ZNF385D: variants seen among roughly 807,000 people sequenced by gnomAD.
The protein encoded by ZNF385D is zinc finger protein 659.
A neutral mutation model predicts 35.8 loss-of-function variants in ZNF385D; 15 were observed. The ratio of observed to expected loss-of-function variants is 0.42; its 90% CI spans 0.28 to 0.64. The LOEUF (loss-of-function observed/expected upper bound fraction) is 0.64. ZNF385D is among the 30% of genes least tolerant of loss of function. ZNF385D has a pLI of 0.23. For missense variants in ZNF385D, 474 were observed against 494.6 expected, an observed-to-expected ratio of 0.96 and a Z score of 0.39; for synonymous variants, 212 against 186.8, an observed-to-expected ratio of 1.13 and a Z score of -1.10.
chr3:21,936,999 G>A (rs370639075), intron 3 of ZNF385D, among the ~76,000 whole-genome samples: 5 of 152,076 alleles, frequency 3.3e-5, no homozygotes, highest in East Asian at 1.9e-4. Flanking sequence ...GATATAAAAG[G>A]TTGTAATGTA....
At chr3:22,282,604 A>G (rs1701817490) in intron 2 of ZNF385D, among the ~76,000 whole-genome samples, 2 of 152,188 alleles carry the variant, frequency 1.3e-5, no homozygotes, top group Non-Finnish European at 2.9e-5. Context: ...AGTATTTGCT[A>G]TAATTTTGAT....
intron 2 of ZNF385D, among the ~76,000 whole-genome samples, chr3:22,213,204 G>A (rs1033750950): frequency 1.3e-5 from 2 of 152,016 alleles, no homozygotes; most frequent in Non-Finnish European, 2.9e-5. Context: ...AAATATAAGG[G>A]GGATTTGACA....
At chr3:21,937,190 C>A (rs1313578167) in intron 3 of ZNF385D, among the ~76,000 whole-genome samples, 1 of 151,802 alleles carries the variant, frequency 6.6e-6, no homozygotes, top group Non-Finnish European at 1.5e-5. Flanking sequence ...ATGATATACA[C>A]TATTTTTTTT....
At chr3:22,207,085 C>T (rs954652735) in intron 2 of ZNF385D, among the ~76,000 whole-genome samples, 1 of 151,812 alleles carries the variant, frequency 6.6e-6, no homozygotes, top group African/African-American at 2.4e-5. Context: ...ACAACCAATA[C>T]TTCTGAAATT....
At chr3:21,782,870 A>G (rs2071546590) in intron 3 of ZNF385D, among the ~76,000 whole-genome samples, 1 of 152,120 alleles carries the variant, frequency 6.6e-6, no homozygotes. Flanking sequence ...GGAAGAACAG[A>G]AATGTAACTT....
chr3:21,961,145 T>A (rs1323161211), intron 3 of ZNF385D, among the ~76,000 whole-genome samples: 1 of 152,096 alleles, frequency 6.6e-6, no homozygotes, highest in Admixed American at 6.6e-5. Flanking sequence ...TTATACACTG[T>A]ATACATGTAT....
intron 2 of ZNF385D, among the ~76,000 whole-genome samples, chr3:21,610,000 A>G (rs1164580356): frequency 6.6e-6 from 1 of 152,144 alleles, no homozygotes; most frequent in Non-Finnish European, 1.5e-5. Context: ...AACTAAGCCA[A>G]CTTGTATTTC....
At chr3:21,637,961 T>G (rs2065495113) in intron 2 of ZNF385D, among the ~76,000 whole-genome samples, 2 of 152,096 alleles carry the variant, frequency 1.3e-5, no homozygotes, top group Admixed American at 6.6e-5. Flanking sequence ...GCCCTATACT[T>G]TCCTATCTTA....
chr3:21,658,579 C>G (rs2066142289), intron 2 of ZNF385D, among the ~76,000 whole-genome samples: 1 of 145,172 alleles, frequency 6.9e-6, no homozygotes, highest in African/African-American at 2.5e-5. Context: ...TATCTATTAC[C>G]TATCTACCTA....
chr3:22,196,992 T>C (rs1696464275), intron 2 of ZNF385D, among the ~76,000 whole-genome samples: 1 of 152,092 alleles, frequency 6.6e-6, no homozygotes, highest in Non-Finnish European at 1.5e-5. Context: ...CAATCTATTT[T>C]GGCAGGTATT....
intron 1 of ZNF385D, among the ~76,000 whole-genome samples, chr3:21,714,586 CCT>C (rs1421410687): frequency 6.6e-6 from 1 of 152,200 alleles, no homozygotes; most frequent in Non-Finnish European, 1.5e-5. Flanking sequence ...CTCTTCTACT[CCT>C]CTCTTTCTCG....
rs188371764 is a variant in ZNF385D at position 21,707,533 on chromosome 3, G to A, written c.23-42505C>T. On this transcript the variant is annotated intron_variant, in intron 1 of 7. Coordinates refer to ENST00000281523, the MANE Select transcript of ZNF385D (RefSeq NM_024697.3). ...GTGCTTCTTTGTTAGAATCTTGAAA[G>A]GGAACGAAAGACCTCTACATATAGA... 1.2e-3 allele frequency among the ~76,000 whole-genome samples: 182 copies of A among 152,256 alleles called. 2 individuals are homozygous for A. Among genetic ancestry groups the A allele is most frequent in the Admixed American group, 2.5e-3 (38 of 15,290 alleles).
At chr3:22,050,178 C>CA (rs1262547694) in intron 3 of ZNF385D, among the ~76,000 whole-genome samples, 1 of 145,642 alleles carries the variant, frequency 6.9e-6, no homozygotes, top group Admixed American at 6.9e-5. Context: ...CCAGCCTGGG[C>CA]AAAAAAGGAA....
At chr3:22,137,075 G>A (rs1356528966) in intron 3 of ZNF385D, among the ~76,000 whole-genome samples, 6 of 152,134 alleles carry the variant, frequency 3.9e-5, no homozygotes, top group African/African-American at 7.2e-5. Flanking sequence ...TGCCAACTAC[G>A]GACATTAGTT....
intron 2 of ZNF385D, among the ~76,000 whole-genome samples, chr3:21,614,963 G>A (rs1204990841): frequency 1.3e-5 from 2 of 152,182 alleles, no homozygotes; most frequent in Non-Finnish European, 2.9e-5. Context: ...TCACAGGAAA[G>A]CTAGGAAACA....
At chr3:22,063,038 T>C (rs1000392140) in intron 3 of ZNF385D, among the ~76,000 whole-genome samples, 11 of 152,310 alleles carry the variant, frequency 7.2e-5, no homozygotes, top group African/African-American at 2.6e-4. Context: ...ATAATTTTTT[T>C]TTATTTAATC....
chr3:22,152,224 A>T (rs1373776957), intron 3 of ZNF385D, among the ~76,000 whole-genome samples: 1 of 152,056 alleles, frequency 6.6e-6, no homozygotes, highest in Non-Finnish European at 1.5e-5. Flanking sequence ...AAACAATTGC[A>T]TTGGGTAATA....
intron 3 of ZNF385D, among the ~76,000 whole-genome samples, chr3:21,910,084 T>TACACACACACAC (rs112815077): frequency 8.0e-5 from 12 of 149,226 alleles, no homozygotes; most frequent in South Asian, 4.3e-4. Flanking sequence ...ACATATATTT[T>TACACACACACAC]ACACACACAC....
intron 2 of ZNF385D, among the ~76,000 whole-genome samples, chr3:22,195,460 T>C (rs151132364): frequency 1.2e-4 from 19 of 152,152 alleles, no homozygotes; most frequent in Non-Finnish European, 2.5e-4. Flanking sequence ...TTTTCTTTAA[T>C]ATACTATGCT....
Sources: allele counts gnomAD v4.1 joint callset (sites outside exome capture counted in the v4.1 genomes callset), GRCh38; gene constraint gnomAD v4.1.1; transcripts MANE v1.5; gene names NCBI Gene and HGNC (gene_info 2026-07-23, HGNC 2026-07-21).